The following KIF21A variants were observed in gnomAD, a reference collection of about 807,000 sequenced individuals.
KIF21A encodes the protein kinesin-like protein KIF21A.
Under a neutral mutation model 202.9 loss-of-function variants are expected in KIF21A, and 114 were observed. The observed-to-expected ratio is 0.56, with a 90% CI of 0.48 to 0.66. The LOEUF (loss-of-function observed/expected upper bound fraction) is 0.66, where lower values mean the gene tolerates loss of function less well. Among genes scored for constraint, KIF21A ranks in the 30% least tolerant of loss-of-function variants. The probability of loss-of-function intolerance (pLI) is 0.00; values close to 1 mark genes in which losing one functional copy is unlikely to be tolerated. For synonymous variants in KIF21A, 667 were observed against 670.8 expected (o/e 0.99, Z 0.09); for missense variants, 1,677 against 1,994.9 (o/e 0.84, Z 3.04).
chr12:39,325,783 G>A (rs1592156257), intron 26 of KIF21A, 56 bp downstream of exon 26: 1 of 1,202,452 alleles, frequency 8.3e-7, no homozygotes. Flanking sequence ...GTGTTAAATA[G>A]TGATAACAAA....
At chr12:39,312,804 A>G (rs1944159757) in intron 31 of KIF21A, 2 of 151,950 alleles carry the variant, frequency 1.3e-5, no homozygotes, top group African/African-American at 2.4e-5. Flanking sequence ...CCCTCTCCCA[A>G]AGGAATTTAA....
intron 36 of KIF21A, among the ~76,000 whole-genome samples, chr12:39,301,987 T>A (rs1272131797): frequency 6.6e-6 from 1 of 152,170 alleles, no homozygotes; most frequent in Non-Finnish European, 1.5e-5. Context: ...AGTAAATATA[T>A]TACCTTTCTC....
At chr12:39,408,010 GA>G (rs539934126) in intron 1 of KIF21A, among the ~76,000 whole-genome samples, 13 of 151,332 alleles carry the variant, frequency 8.6e-5, no homozygotes, top group Admixed American at 2.6e-4. Context: ...ACAGATAATG[GA>G]AAAAAAATCT....
intron 17 of KIF21A, among the ~76,000 whole-genome samples, chr12:39,333,685 A>T (rs563614093): frequency 1.4e-4 from 21 of 152,212 alleles, no homozygotes; most frequent in Non-Finnish European, 2.5e-4. Context: ...CTTATAATAT[A>T]TACAATAATT....
At position 39,332,885 on chromosome 12, in the gene KIF21A, A is replaced by G; in HGVS notation, c.2702+8T>C. 3 of 1,612,828 alleles carry G rather than the reference A, an allele frequency of 1.9e-6. No homozygotes were observed. Among genetic ancestry groups the G allele is most frequent in the Non-Finnish European group, 2.5e-6 (3 of 1,179,374 alleles). On this transcript the variant is annotated splice_region_variant and intron_variant, in intron 19 of 37. Coordinates refer to ENST00000361418, the MANE Select transcript of KIF21A (RefSeq NM_001173464.2). ...AGATTACATCAGCAGGAACAGAATT[A>G]TGTAGACCTGTTTCCATTTGTTGCC...
At chr12:39,424,106 C>A (rs1227065122) in intron 1 of KIF21A, among the ~76,000 whole-genome samples, 1 of 151,480 alleles carries the variant, frequency 6.6e-6, no homozygotes, top group African/African-American at 2.4e-5. Flanking sequence ...CCTTGCCTAG[C>A]ATTGTCTCAT....
intron 1 of KIF21A, among the ~76,000 whole-genome samples, chr12:39,426,569 A>G (rs1954766854): frequency 6.6e-6 from 1 of 152,148 alleles, no homozygotes; most frequent in Non-Finnish European, 1.5e-5. Context: ...AGAAGCATTT[A>G]CATTACTATT....
At chr12:39,430,782 G>T (rs1330535834) in intron 1 of KIF21A, among the ~76,000 whole-genome samples, 1 of 152,018 alleles carries the variant, frequency 6.6e-6, no homozygotes, top group Non-Finnish European at 1.5e-5. Context: ...TTGTTTGAGG[G>T]TAGGGCCTTT....
intron 1 of KIF21A, among the ~76,000 whole-genome samples, chr12:39,380,032 A>G (rs1950515855): frequency 6.6e-6 from 1 of 152,188 alleles, no homozygotes; most frequent in South Asian, 2.1e-4. Flanking sequence ...CAGTGGCGCT[A>G]TCTCTGCTCA....
intron 1 of KIF21A, among the ~76,000 whole-genome samples, chr12:39,417,518 C>T (rs1283055188): frequency 2.0e-5 from 3 of 152,130 alleles, no homozygotes; most frequent in Non-Finnish European, 4.4e-5. Flanking sequence ...GAGGCTTCTT[C>T]GTATCACTTA....
chr12:39,307,157 A>G (rs1485661197), intron 34 of KIF21A, among the ~76,000 whole-genome samples: 3 of 152,070 alleles, frequency 2.0e-5, no homozygotes, highest in Non-Finnish European at 4.4e-5. Flanking sequence ...CTTTATGCCC[A>G]AAGTTGTTAA....
chr12:39,330,411 C>T, intron 23 of KIF21A, 149 bp from the exon 24 acceptor site: 1 of 727,808 alleles, frequency 1.4e-6, no homozygotes, highest in Non-Finnish European at 2.4e-6. Context: ...ATTTTTAAGG[C>T]AGTGAGATAC....
In KIF21A at chr12:39,294,203, T is replaced by A; in HGVS notation, c.*221A>T. On this transcript the variant is annotated 3_prime_UTR_variant, in exon 38 of 38. Coordinates refer to ENST00000361418, the MANE Select transcript of KIF21A (RefSeq NM_001173464.2). ...ATAAAAGTGTGAATAAAGCAATATA[T>A]CAATTGTAGGATATATATCTATTGG... is the stretch of plus-strand genomic sequence containing the variant. The A allele has an allele frequency of 2.1e-6, 1 of 467,928 alleles. No individual in the cohort carries two copies. 29.0% of individuals were successfully genotyped at this position (467,928 alleles called of 1,614,324 possible). A position where few individuals can be genotyped will look rare whatever the true frequency, so the allele number is the denominator to read the frequency against.
intron 24 of KIF21A, among the ~76,000 whole-genome samples, chr12:39,328,906 CTG>C (rs1405024849): frequency 1.3e-5 from 2 of 152,186 alleles, no homozygotes; most frequent in Non-Finnish European, 1.5e-5. Context: ...TAGTCCCACT[CTG>C]TGCTCCCATA....
At position 39,342,074 on chromosome 12, in the gene KIF21A, T is replaced by A; in HGVS notation, c.1763A>T (p.Glu588Val). Reference sequence around the variant, plus strand: ...GTTTTCTCTTTCCGAAACACCCTTTTCTTCTTTCTTCTCTTGGTCAGTGTC... The same window carrying A: ...GTTTTCTCTTTCCGAAACACCCTTTACTTCTTTCTTCTCTTGGTCAGTGTC... ...NTDTDQEKKE[E>V]KGVSERENNE... The change falls in exon 13 of 38, where the codon GAA becomes GTA. Residue 588 changes from glutamate to valine, a missense_variant. Transcript: ENST00000361418. 6.2e-7 allele frequency: 1 copy of A among 1,612,078 alleles called. No homozygotes were observed. The highest frequency in any genetic ancestry group is 8.5e-7 in the Non-Finnish European group (1 of 1,178,426).
At chr12:39,361,598 T>C (rs1366083763) in intron 7 of KIF21A, among the ~76,000 whole-genome samples, 5 of 140,734 alleles carry the variant, frequency 3.6e-5, no homozygotes, top group Non-Finnish European at 7.6e-5. Flanking sequence ...CTCCGCCTCC[T>C]GGGTTCACGC....
chr12:39,332,384 G>T lies in KIF21A; in HGVS notation c.2881C>A (p.Arg961=). The change falls in exon 21 of 38, where the codon CGA becomes AGA. Residue 961 remains arginine (R), a synonymous_variant. Transcript: ENST00000361418. ...TCCCTTCTTTTTGAAAGTTTCTCTC[G>T]TCTTTTTGTGAGTTCCTCCCGTTGC... ...LKQREELTKR[R]EKLSKRREKI... 1.9e-6 allele frequency: 3 copies of T among 1,613,428 alleles called. No homozygotes were observed. The highest frequency in any genetic ancestry group is 2.5e-6 in the Non-Finnish European group (3 of 1,179,818).
intron 17 of KIF21A, 139 bp downstream of exon 17, chr12:39,336,957 T>C: frequency 1.5e-6 from 1 of 654,592 alleles, no homozygotes; most frequent in Admixed American, 2.3e-5. Context: ...ATAAATGACA[T>C]TTTATAAAGT....
chr12:39,332,701 A>T lies in KIF21A; in HGVS notation c.2746T>A (p.Ser916Thr), dbSNP rs768448384. The T allele has an allele frequency of 6.2e-7, 1 of 1,614,136 alleles. No individual in the cohort carries two copies. The highest frequency in any genetic ancestry group is 1.1e-5 in the South Asian group (1 of 91,084). The change falls in exon 20 of 38, where the codon TCC becomes ACC. Residue 916 changes from serine (S) to threonine (T), a missense_variant. Around this residue, in one of 3 missense-constraint regions of KIF21A, gnomAD observed 966 missense variants for 1,180.9 expected, o/e 0.82. Transcript: ENST00000361418. ...TGCCACTTCATGCGAGCTGTCTTGG[A>T]AATAAACACTCGGCCAGTCAATCCT... ...RKGLTGRVFI[S>T]KTARMKWQLL...
Sources: allele counts gnomAD v4.1 joint callset (sites outside exome capture counted in the v4.1 genomes callset), GRCh38; gene constraint gnomAD v4.1.1; regional missense constraint gnomAD v4.1.1; transcripts MANE v1.5; gene names NCBI Gene and HGNC (gene_info 2026-07-23, HGNC 2026-07-21).